ADARB2: variants seen among roughly 807,000 people sequenced by gnomAD.
ADARB2 encodes adenosine deaminase RNA specific B2 (inactive).
A neutral mutation model predicts 62.2 loss-of-function variants in ADARB2; 25 were observed. That is an observed-to-expected ratio of 0.40 (90% CI 0.29 to 0.56). The LOEUF is 0.56. Ranked by LOEUF, ADARB2 falls within the 20% of genes least tolerant of loss-of-function variation. The probability of loss-of-function intolerance (pLI) is 0.43; values close to 1 mark genes in which losing one functional copy is unlikely to be tolerated. For missense variants in ADARB2, 1,071 were observed against 1,077.4 expected (o/e 0.99, Z 0.08); for synonymous variants, 572 against 500.8 (o/e 1.14, Z -1.90).
chr10:1,545,766 G>A (rs968370230), intron 1 of ADARB2, among the ~76,000 whole-genome samples: 5 of 152,182 alleles, frequency 3.3e-5, no homozygotes, highest in South Asian at 2.1e-4. Flanking sequence ...AGGCAGAAGC[G>A]CAGTGAGGGC....
At chr10:1,416,305 T>C (rs894998461) in intron 1 of ADARB2, among the ~76,000 whole-genome samples, 5 of 152,256 alleles carry the variant, frequency 3.3e-5, no homozygotes, top group African/African-American at 1.2e-4. Flanking sequence ...GGGCAACTCA[T>C]GCTGCCAAAA....
At chr10:1,305,980 T>A (rs1374503132) in intron 3 of ADARB2, among the ~76,000 whole-genome samples, 2 of 152,186 alleles carry the variant, frequency 1.3e-5, no homozygotes, top group Admixed American at 1.3e-4. Flanking sequence ...GCATTCCCTT[T>A]GAAAACTGGC....
At chr10:1,716,614 C>T (rs775405360) in intron 1 of ADARB2, among the ~76,000 whole-genome samples, 7 of 152,190 alleles carry the variant, frequency 4.6e-5, no homozygotes, top group East Asian at 3.8e-4. Context: ...TCTCAATGTG[C>T]GTTACCTCTA....
chr10:1,671,602 A>G lies in ADARB2; in HGVS notation c.100+65449T>C, dbSNP rs74433548. On this transcript the variant is annotated intron_variant, in intron 1 of 9. Coordinates refer to ENST00000381312, the MANE Select transcript of ADARB2 (RefSeq NM_018702.4). The stretch of plus-strand genomic sequence containing the variant: ...TGGCATCTCCCTCGTGCTTCTCTGG[A>G]TTCTGTCACCTGTTCCAGTCCTGGG... 1.3e-3 allele frequency among the ~76,000 whole-genome samples: 194 copies of G among 152,142 alleles called. 1 individual carries two copies. The highest frequency in any genetic ancestry group is 4.3e-3 in the African/African-American group (180 of 41,498).
intron 1 of ADARB2, among the ~76,000 whole-genome samples, chr10:1,559,535 A>C (rs931859480): frequency 3.3e-5 from 5 of 152,088 alleles, no homozygotes; most frequent in African/African-American, 9.7e-5. Flanking sequence ...TGTGGCACTT[A>C]AGCTACCGTG....
At chr10:1,647,427 A>G (rs1303930009) in intron 1 of ADARB2, among the ~76,000 whole-genome samples, 1 of 152,030 alleles carries the variant, frequency 6.6e-6, no homozygotes, top group Non-Finnish European at 1.5e-5. Context: ...ATGTGTATAC[A>G]TATGTGTATA....
At chr10:1,346,367 C>G (rs1832081320) in intron 3 of ADARB2, among the ~76,000 whole-genome samples, 1 of 152,208 alleles carries the variant, frequency 6.6e-6, no homozygotes, top group Non-Finnish European at 1.5e-5. Context: ...CCCCTCAGTT[C>G]CTGCCCCTCT....
At chr10:1,638,736 G>T (rs984509620) in intron 1 of ADARB2, among the ~76,000 whole-genome samples, 1 of 152,168 alleles carries the variant, frequency 6.6e-6, no homozygotes, top group Non-Finnish European at 1.5e-5. Context: ...AATAAATGGT[G>T]GTTCCCACTG....
At chr10:1,303,920 A>G (rs1347935794) in intron 3 of ADARB2, among the ~76,000 whole-genome samples, 1 of 152,206 alleles carries the variant, frequency 6.6e-6, no homozygotes, top group Admixed American at 6.5e-5. Flanking sequence ...CTGCAAAATC[A>G]TGCCAAAATG....
chr10:1,445,007 T>C (rs1830950966), intron 1 of ADARB2, among the ~76,000 whole-genome samples: 1 of 149,880 alleles, frequency 6.7e-6, no homozygotes, highest in Admixed American at 6.6e-5. Context: ...TCTACATTCA[T>C]CCGTCCATCC....
At chr10:1,458,252 T>G (rs1831122050) in intron 1 of ADARB2, among the ~76,000 whole-genome samples, 1 of 152,158 alleles carries the variant, frequency 6.6e-6, no homozygotes, top group African/African-American at 2.4e-5. Flanking sequence ...TTCTTGCGAA[T>G]ACTTCCCATC....
At chr10:1,349,905 G>A (rs192498479) in intron 3 of ADARB2, among the ~76,000 whole-genome samples, 10 of 152,108 alleles carry the variant, frequency 6.6e-5, no homozygotes, top group African/African-American at 2.4e-4. Context: ...TTGTGGGGAC[G>A]CCTGCCTTGG....
intron 1 of ADARB2, among the ~76,000 whole-genome samples, chr10:1,442,226 G>C (rs1318072223): frequency 6.6e-6 from 1 of 152,152 alleles, no homozygotes; most frequent in Non-Finnish European, 1.5e-5. Context: ...ACCCCTTCTG[G>C]GGAAGATCAG....
intron 1 of ADARB2, among the ~76,000 whole-genome samples, chr10:1,553,576 G>A (rs762927969): frequency 1.3e-5 from 2 of 152,164 alleles, no homozygotes; most frequent in Admixed American, 6.5e-5. Context: ...ATGCTCTAAC[G>A]GACTCGAGGA....
intron 1 of ADARB2, among the ~76,000 whole-genome samples, chr10:1,455,984 G>C (rs1831090831): frequency 6.6e-6 from 1 of 152,220 alleles, no homozygotes; most frequent in Non-Finnish European, 1.5e-5. Flanking sequence ...CTCATGCATA[G>C]AAGAGTGGTT....
intron 8 of ADARB2, among the ~76,000 whole-genome samples, chr10:1,190,257 G>A (rs1019474379): frequency 1.3e-5 from 2 of 152,086 alleles, no homozygotes; most frequent in Non-Finnish European, 2.9e-5. Flanking sequence ...TGCTTGCACA[G>A]GGGTCCCACG....
chr10:1,219,608 A>G (rs1333873569), intron 6 of ADARB2, among the ~76,000 whole-genome samples: 1 of 152,218 alleles, frequency 6.6e-6, no homozygotes, highest in Non-Finnish European at 1.5e-5. Flanking sequence ...AATAATGCCC[A>G]GCTCTTCCCC....
intron 3 of ADARB2, among the ~76,000 whole-genome samples, chr10:1,348,026 C>T (rs184354869): frequency 9.9e-5 from 15 of 151,180 alleles, no homozygotes; most frequent in African/African-American, 2.9e-4. Flanking sequence ...AGACAGGGAC[C>T]GAGAGAGACA....
chr10:1,377,480 T>TGTGTGTGC (rs1832444239), intron 2 of ADARB2, among the ~76,000 whole-genome samples: 1 of 135,818 alleles, frequency 7.4e-6, no homozygotes, highest in African/African-American at 2.8e-5. Flanking sequence ...GGGGTGTGTG[T>TGTGTGTGC]GCGCATGTGT....
Sources: allele counts gnomAD v4.1 joint callset (sites outside exome capture counted in the v4.1 genomes callset), GRCh38; gene constraint gnomAD v4.1.1; transcripts MANE v1.5; gene names NCBI Gene and HGNC (gene_info 2026-07-23, HGNC 2026-07-21).